Variants in GMDS observed in about 807,000 individuals in gnomAD.
The protein encoded by GMDS is GDP-mannose 4,6-dehydratase, also known as GDP-mannose 4,6 dehydratase.
GMDS carries 20 observed loss-of-function variants against 49.9 expected under a neutral mutation model. That is an observed-to-expected ratio of 0.40 (90% CI 0.28 to 0.58). The LOEUF is 0.58. Among genes scored for constraint, GMDS ranks in the 20% least tolerant of loss-of-function variants. The pLI is 0.42. For synonymous variants in GMDS, 177 were observed against 178.6 expected (o/e 0.99, Z 0.07); for missense variants, 362 against 481.4 (o/e 0.75, Z 2.32).
At chr6:2,141,919 T>TCCTCCCACCTACACTCCC in intron 1 of GMDS, among the ~76,000 whole-genome samples, 1 of 148,434 alleles carries the variant, frequency 6.7e-6, no homozygotes, top group Non-Finnish European at 1.5e-5. Flanking sequence ...ACAACACTCC[T>TCCTCCCACCTACACTCCC]CCTCCCACCT....
At chr6:1,804,543 C>A (rs1259863917) in intron 7 of GMDS, among the ~76,000 whole-genome samples, 5 of 152,236 alleles carry the variant, frequency 3.3e-5, no homozygotes, top group East Asian at 1.9e-4. Flanking sequence ...AACTGCAGTG[C>A]GTGCTGGGCC....
At chr6:1,871,873 T>A (rs1485256892) in intron 7 of GMDS, among the ~76,000 whole-genome samples, 1 of 152,230 alleles carries the variant, frequency 6.6e-6, no homozygotes, top group Admixed American at 6.5e-5. Context: ...TTCTCTTTTG[T>A]GAATGAGGAC....
In GMDS at chr6:2,075,978, G is replaced by C. The variant is rs528724518; in HGVS notation, c.345+39793C>G. Reference sequence around the variant, plus strand: ...CTGGTGTGAGATGGTATCTCACTGTGGTTTTGATTTGCATTTCTCTGATGG... The same window carrying C: ...CTGGTGTGAGATGGTATCTCACTGTCGTTTTGATTTGCATTTCTCTGATGG... On this transcript the variant is annotated intron_variant, in intron 4 of 10. Transcript: ENST00000380815. 4.6e-4 allele frequency among the ~76,000 whole-genome samples: 70 copies of C among 152,198 alleles called. 1 individual carries two copies. The South Asian group carries it at 6.0e-3, about 13-fold the overall frequency.
intron 6 of GMDS, among the ~76,000 whole-genome samples, chr6:1,933,172 C>T (rs928251376): frequency 1.3e-5 from 2 of 152,194 alleles, no homozygotes; most frequent in African/African-American, 2.4e-5. Context: ...GTTAGCATAA[C>T]ATTTTCAAGG....
chr6:2,010,756 G>A (rs1170237189), intron 4 of GMDS, among the ~76,000 whole-genome samples: 1 of 152,110 alleles, frequency 6.6e-6, no homozygotes, highest in African/African-American at 2.4e-5. Context: ...TTTAAAAATT[G>A]TTTTAAAAAT....
chr6:2,107,473 A>G (rs546060172), intron 4 of GMDS, among the ~76,000 whole-genome samples: 1 of 152,346 alleles, frequency 6.6e-6, no homozygotes, highest in East Asian at 1.9e-4. Flanking sequence ...CATATTTACA[A>G]TCGTGGTGTT....
chr6:1,660,730 T>G (rs1236169370), intron 9 of GMDS, among the ~76,000 whole-genome samples: 1 of 145,418 alleles, frequency 6.9e-6, no homozygotes, highest in East Asian at 2.0e-4. Flanking sequence ...TATTAGTATC[T>G]AGTATCTGAA....
chr6:1,659,266 C>T (rs546116755), intron 9 of GMDS, among the ~76,000 whole-genome samples: 1 of 151,060 alleles, frequency 6.6e-6, no homozygotes, highest in Non-Finnish European at 1.5e-5. Context: ...AAAATTCACT[C>T]GTTTCAACTG....
chr6:2,067,238 C>G (rs1301341414), intron 4 of GMDS, among the ~76,000 whole-genome samples: 1 of 151,996 alleles, frequency 6.6e-6, no homozygotes, highest in Non-Finnish European at 1.5e-5. Context: ...CACAACATAC[C>G]AGAATCTCTG....
intron 7 of GMDS, 117 bp from the exon 8 acceptor site, chr6:1,742,703 T>C (rs1337584161): frequency 1.6e-6 from 1 of 630,436 alleles, no homozygotes; most frequent in Non-Finnish European, 2.9e-6. Flanking sequence ...ATGAATTTCA[T>C]AGCATATTCT....
At chr6:2,141,007 C>T (rs908485482) in intron 1 of GMDS, among the ~76,000 whole-genome samples, 3 of 151,926 alleles carry the variant, frequency 2.0e-5, no homozygotes, top group East Asian at 1.9e-4. Context: ...CACAGTGTGA[C>T]GAGTGAGAAA....
chr6:1,864,818 G>A (rs1014309135), intron 7 of GMDS, among the ~76,000 whole-genome samples: 9 of 152,188 alleles, frequency 5.9e-5, no homozygotes, highest in Admixed American at 5.9e-4. Flanking sequence ...CGACAAGGCT[G>A]AGCTGAGCAG....
chr6:1,826,844 A>C (rs1396236753), intron 7 of GMDS, among the ~76,000 whole-genome samples: 1 of 152,018 alleles, frequency 6.6e-6, no homozygotes, highest in African/African-American at 2.4e-5. Flanking sequence ...AGGTGGGAGG[A>C]TCACTTGAGG....
At chr6:1,974,051 G>A (rs1310908687) in intron 4 of GMDS, among the ~76,000 whole-genome samples, 1 of 151,982 alleles carries the variant, frequency 6.6e-6, no homozygotes, top group Non-Finnish European at 1.5e-5. Flanking sequence ...ATCATATTAT[G>A]TGGATAATAA....
intron 6 of GMDS, among the ~76,000 whole-genome samples, chr6:1,952,823 G>GA (rs1763421344): frequency 6.6e-6 from 1 of 152,136 alleles, no homozygotes; most frequent in East Asian, 1.9e-4. Context: ...ACTGAGAGAA[G>GA]AAAGAGTGGG....
In GMDS at chr6:1,838,650, G is replaced by C. The variant is rs1757028151; in HGVS notation, c.771+91453C>G. On this transcript the variant is annotated intron_variant, in intron 7 of 10. Coordinates refer to ENST00000380815, the MANE Select transcript of GMDS (RefSeq NM_001500.4). Reference sequence around the variant, plus strand: ...GTTAGTACTGTGATTGGTATGAAGAGCGGAGGAATTCCTCTTTTGTCTCTT... The same window carrying C: ...GTTAGTACTGTGATTGGTATGAAGACCGGAGGAATTCCTCTTTTGTCTCTT... 7.9e-5 allele frequency among the ~76,000 whole-genome samples: 12 copies of C among 152,290 alleles called. No individual in the cohort carries two copies. In the South Asian group the frequency reaches 2.5e-3, roughly 32 times the overall value.
intron 6 of GMDS, among the ~76,000 whole-genome samples, chr6:1,941,419 G>C (rs1400122290): frequency 6.6e-6 from 1 of 152,146 alleles, no homozygotes; most frequent in African/African-American, 2.4e-5. Flanking sequence ...CAAGGACACG[G>C]GAGTATCCTA....
At chr6:2,074,174 C>A (rs1335784407) in intron 4 of GMDS, among the ~76,000 whole-genome samples, 1 of 152,164 alleles carries the variant, frequency 6.6e-6, no homozygotes, top group Non-Finnish European at 1.5e-5. Context: ...TCCTTGCCAA[C>A]ATCTGCTATT....
At chr6:1,926,752 G>A (rs901298438) in intron 7 of GMDS, among the ~76,000 whole-genome samples, 7 of 152,178 alleles carry the variant, frequency 4.6e-5, no homozygotes, top group Non-Finnish European at 2.9e-5. Context: ...AGGGTACCAA[G>A]CTATAAATTC....
Sources: allele counts gnomAD v4.1 joint callset (sites outside exome capture counted in the v4.1 genomes callset), GRCh38; gene constraint gnomAD v4.1.1; transcripts MANE v1.5; gene names NCBI Gene and HGNC (gene_info 2026-07-23, HGNC 2026-07-21).